ANKMY2: variants seen among roughly 807,000 people sequenced by gnomAD.
ANKMY2 encodes the protein ankyrin repeat and MYND domain-containing protein 2.
ANKMY2 carries 36 observed loss-of-function variants against 50.4 expected under a neutral mutation model. That is an observed-to-expected ratio of 0.71 (90% confidence interval 0.55 to 0.94). The LOEUF (loss-of-function observed/expected upper bound fraction) is 0.94. Ranked by LOEUF, ANKMY2 falls within the 40% of genes least tolerant of loss-of-function variation. The probability of loss-of-function intolerance (pLI) is 0.00; values close to 1 mark genes in which losing one functional copy is unlikely to be tolerated. For missense variants in ANKMY2, 565 were observed against 524.0 expected (o/e 1.08, Z -0.76); for synonymous variants, 187 against 178.8 (o/e 1.05, Z -0.36).
In ANKMY2 at chr7:16,600,956, AAAG is replaced by A. The variant is rs533394063; in HGVS notation, c.1142-14_1142-12del. On this transcript the variant is annotated splice_polypyrimidine_tract_variant and intron_variant, in intron 9 of 9. Transcript: ENST00000306999. Reference sequence around the variant, plus strand: ...CATCAAGTTTGCCGTCTGATTAAAAAAAGAAGAAGTTATTTTGTTCCTACCATG... The same window carrying A: ...CATCAAGTTTGCCGTCTGATTAAAAAAAGAAGTTATTTTGTTCCTACCATG... The A allele has an allele frequency of 2.5e-3, 3,927 of 1,574,494 alleles. 9 individuals are homozygous for A. Among genetic ancestry groups the A allele is most frequent in the Non-Finnish European group, 2.7e-3 (3,190 of 1,160,064 alleles).
At chr7:16,638,444 C>T (rs1781699483) in intron 1 of ANKMY2, among the ~76,000 whole-genome samples, 2 of 152,148 alleles carry the variant, frequency 1.3e-5, no homozygotes. Flanking sequence ...GATGAACAGC[C>T]AGATGGAAGA....
intron 9 of ANKMY2, among the ~76,000 whole-genome samples, chr7:16,601,354 A>C (rs2128341395): frequency 6.6e-6 from 1 of 152,366 alleles, no homozygotes; most frequent in East Asian, 1.9e-4. Flanking sequence ...ATTGGTGAAG[A>C]ATAAAGTTGT....
At chr7:16,604,578 T>C in intron 8 of ANKMY2, 143 bp downstream of exon 8, 1 of 1,123,998 alleles carries the variant, frequency 8.9e-7, no homozygotes, top group Admixed American at 2.8e-5. Context: ...CCAAAACTAC[T>C]TTTTAAGTAT....
chr7:16,643,653 T>C (rs1781775444), intron 1 of ANKMY2, among the ~76,000 whole-genome samples: 1 of 151,934 alleles, frequency 6.6e-6, no homozygotes. Flanking sequence ...CCTGAGAATG[T>C]ATCCAAGGAA....
chr7:16,612,742 TGC>T (rs1054875279), intron 5 of ANKMY2, among the ~76,000 whole-genome samples: 1 of 152,188 alleles, frequency 6.6e-6, no homozygotes, highest in Non-Finnish European at 1.5e-5. Flanking sequence ...ATCATTAACA[TGC>T]GCTTATTGAA....
At chr7:16,606,996 C>T (rs973516773) in intron 7 of ANKMY2, among the ~76,000 whole-genome samples, 2 of 152,150 alleles carry the variant, frequency 1.3e-5, no homozygotes, top group Admixed American at 1.3e-4. Flanking sequence ...AAGCTCACAG[C>T]AGCCAGCCCT....
chr7:16,624,106 T>C lies in ANKMY2; in HGVS notation c.370+877A>G, dbSNP rs115079319. ...GCACCATTTGTCATTGCTATTACCCTTTAAGTGCCAAGAAAGTATGAACAG... is the reference window on the plus strand; with the variant it reads ...GCACCATTTGTCATTGCTATTACCCCTTAAGTGCCAAGAAAGTATGAACAG... On this transcript the variant is annotated intron_variant, in intron 4 of 9. Transcript: ENST00000306999. Among the ~76,000 whole-genome samples, 249 of 152,252 alleles carry C rather than the reference T, an allele frequency of 1.6e-3. 1 individual carries two copies. Among genetic ancestry groups the C allele is most frequent in the African/African-American group, 5.9e-3 (245 of 41,548 alleles).
chr7:16,643,817 G>A (rs1781777323), intron 1 of ANKMY2, among the ~76,000 whole-genome samples: 2 of 149,278 alleles, frequency 1.3e-5, no homozygotes, highest in African/African-American at 5.0e-5. Context: ...CCAGGAGTTC[G>A]AGAGCAGCCT....
intron 7 of ANKMY2, among the ~76,000 whole-genome samples, chr7:16,609,383 C>G (rs1489406480): frequency 6.6e-6 from 1 of 152,146 alleles, no homozygotes; most frequent in Non-Finnish European, 1.5e-5. Flanking sequence ...CTACCCTAAC[C>G]ATCTACATTT....
At chr7:16,612,130 C>T (rs1226845203) in intron 5 of ANKMY2, among the ~76,000 whole-genome samples, 4 of 152,148 alleles carry the variant, frequency 2.6e-5, no homozygotes, top group Non-Finnish European at 5.9e-5. Context: ...AGCAGACAGC[C>T]AGTCAGTACT....
intron 9 of ANKMY2, 69 bp from the exon 10 acceptor site, chr7:16,601,014 G>A (rs1781052361): frequency 8.1e-7 from 1 of 1,241,758 alleles, no homozygotes; most frequent in African/African-American, 1.5e-5. Flanking sequence ...TGCTTTACAT[G>A]TATTATTTAA....
intron 8 of ANKMY2, among the ~76,000 whole-genome samples, chr7:16,603,906 C>A (rs902338399): frequency 6.6e-6 from 1 of 152,198 alleles, no homozygotes; most frequent in African/African-American, 2.4e-5. Context: ...GAGAGAAAGA[C>A]TAAATGATTA....
chr7:16,608,527 A>G (rs1259962776), intron 7 of ANKMY2, among the ~76,000 whole-genome samples: 1 of 152,122 alleles, frequency 6.6e-6, no homozygotes, highest in African/African-American at 2.4e-5. Context: ...AGAATGACAT[A>G]ACAACCCAGA....
chr7:16,603,639 C>A (rs1294384595), intron 8 of ANKMY2: 1 of 471,168 alleles, frequency 2.1e-6, no homozygotes, highest in South Asian at 1.5e-5. Context: ...CACTTTCTCA[C>A]ATGATTTCAA....
intron 4 of ANKMY2, among the ~76,000 whole-genome samples, chr7:16,624,432 C>T (rs868774553): frequency 7.9e-5 from 12 of 152,142 alleles, no homozygotes; most frequent in African/African-American, 2.9e-4. Context: ...AGAATGATAA[C>T]GAAGTAGTTG....
chr7:16,624,137 C>G (rs994933587), intron 4 of ANKMY2, among the ~76,000 whole-genome samples: 1 of 152,158 alleles, frequency 6.6e-6, no homozygotes, highest in Non-Finnish European at 1.5e-5. Flanking sequence ...AACAGCCTGT[C>G]TTGTCACTAT....
intron 4 of ANKMY2, among the ~76,000 whole-genome samples, chr7:16,623,166 T>G (rs976386987): frequency 6.6e-6 from 1 of 152,206 alleles, no homozygotes; most frequent in African/African-American, 2.4e-5. Context: ...TATGTACGCA[T>G]GTATACATAC....
At chr7:16,601,893 A>C (rs1329784030) in intron 9 of ANKMY2, among the ~76,000 whole-genome samples, 1 of 152,212 alleles carries the variant, frequency 6.6e-6, no homozygotes, top group East Asian at 1.9e-4. Context: ...CACTTGTAGA[A>C]ATTTGATCTG....
At chr7:16,617,861 G>C (rs1326013321) in intron 4 of ANKMY2, among the ~76,000 whole-genome samples, 1 of 151,592 alleles carries the variant, frequency 6.6e-6, no homozygotes, top group Non-Finnish European at 1.5e-5. Flanking sequence ...CAGCTACTTG[G>C]GATACTAAGG....
Sources: gnomAD v4.1 joint callset for allele counts (sites outside exome capture counted in the v4.1 genomes callset) on GRCh38, gnomAD v4.1.1 for gene constraint, MANE v1.5 for transcripts, NCBI Gene and HGNC (gene_info 2026-07-23, HGNC 2026-07-21) for gene names.